PHACTR1: variants seen among roughly 807,000 people sequenced by gnomAD.
PHACTR1 encodes the protein RPEL repeat containing 1.
PHACTR1 carries 16 observed loss-of-function variants against 69.2 expected under a neutral mutation model. The observed-to-expected ratio is 0.23, with a 90% CI of 0.16 to 0.35. PHACTR1 has a LOEUF of 0.35. Ranked by LOEUF, PHACTR1 falls within the 10% of genes least tolerant of loss-of-function variation. PHACTR1 has a pLI of 1.00. For synonymous variants in PHACTR1, 312 were observed against 284.5 expected, an observed-to-expected ratio of 1.10 and a Z score of -0.97; for missense variants, 510 against 734.7, an observed-to-expected ratio of 0.69 and a Z score of 3.54.
At chr6:12,759,006 C>T (rs9395100) in intron 4 of PHACTR1, among the ~76,000 whole-genome samples, 2 of 151,546 alleles carry the variant, frequency 1.3e-5, no homozygotes, top group African/African-American at 4.8e-5. Flanking sequence ...TGCCTGTAAT[C>T]TCAGCTACTG....
intron 5 of PHACTR1, among the ~76,000 whole-genome samples, chr6:13,120,605 G>A (rs1818560322): frequency 6.6e-6 from 1 of 152,128 alleles, no homozygotes; most frequent in Non-Finnish European, 1.5e-5. Flanking sequence ...TAGCCCTTGA[G>A]TGTGGGACCT....
At chr6:12,732,177 T>C (rs1396886956) in intron 3 of PHACTR1, among the ~76,000 whole-genome samples, 2 of 151,964 alleles carry the variant, frequency 1.3e-5, no homozygotes, top group African/African-American at 4.8e-5. Flanking sequence ...CATATAGTAA[T>C]TATAGAAAAA....
intron 11 of PHACTR1, among the ~76,000 whole-genome samples, chr6:13,276,958 A>G (rs1189992643): frequency 6.6e-6 from 1 of 152,182 alleles, no homozygotes; most frequent in Non-Finnish European, 1.5e-5. Context: ...GTCGTGATGC[A>G]CCCTATGCCA....
chr6:13,187,435 CATTTTGGGTCATTGAAGAGTTG>C (rs1399421763), intron 7 of PHACTR1, among the ~76,000 whole-genome samples: 2 of 152,116 alleles, frequency 1.3e-5, no homozygotes, highest in African/African-American at 4.8e-5. Context: ...GAGGTGGCAA[CATTTTGGGTCATTGAAGAGTTG>C]GCTGAGTAGG....
intron 4 of PHACTR1, among the ~76,000 whole-genome samples, chr6:13,037,511 A>T (rs1178583263): frequency 6.6e-6 from 1 of 152,250 alleles, no homozygotes; most frequent in Non-Finnish European, 1.5e-5. Context: ...ACTAGCATGC[A>T]TCAGTGACTG....
At chr6:13,111,124 AT>A (rs1561844641) in intron 5 of PHACTR1, among the ~76,000 whole-genome samples, 2 of 152,148 alleles carry the variant, frequency 1.3e-5, no homozygotes, top group Non-Finnish European at 2.9e-5. Context: ...TGTTATATCC[AT>A]AGGATAAAAT....
At chr6:12,922,301 G>T (rs180762032) in intron 4 of PHACTR1, among the ~76,000 whole-genome samples, 2 of 152,278 alleles carry the variant, frequency 1.3e-5, no homozygotes, top group African/African-American at 2.4e-5. Context: ...GAAGTATTGA[G>T]GGTAATGTTT....
intron 3 of PHACTR1, among the ~76,000 whole-genome samples, chr6:12,730,983 C>CTTTT (rs869159413): frequency 1.4e-3 from 174 of 122,088 alleles, no homozygotes; most frequent in Admixed American, 6.6e-4. Context: ...AGAATATTAC[C>CTTTT]TTTTTTATTT....
At chr6:12,882,272 G>T (rs1385366939) in intron 4 of PHACTR1, among the ~76,000 whole-genome samples, 1 of 152,166 alleles carries the variant, frequency 6.6e-6, no homozygotes, top group Non-Finnish European at 1.5e-5. Context: ...AACTTGGCCT[G>T]AGAAGGGAGA....
chr6:12,723,385 A>G (rs1199251867), intron 3 of PHACTR1, among the ~76,000 whole-genome samples: 1 of 152,074 alleles, frequency 6.6e-6, no homozygotes, highest in African/African-American at 2.4e-5. Flanking sequence ...CAGAATCTGC[A>G]TTTTAACAAA....
At chr6:12,817,578 C>T (rs1344643950) in intron 4 of PHACTR1, among the ~76,000 whole-genome samples, 1 of 152,162 alleles carries the variant, frequency 6.6e-6, no homozygotes, top group East Asian at 1.9e-4. Context: ...GCATCTGAAA[C>T]ACTGAGCACA....
chr6:12,941,448 C>T (rs879676239), intron 4 of PHACTR1, among the ~76,000 whole-genome samples: 7 of 152,028 alleles, frequency 4.6e-5, no homozygotes, highest in African/African-American at 7.3e-5. Context: ...CAGAAAACCA[C>T]AGTAGTACCA....
chr6:13,164,132 G>C (rs1323274432), intron 6 of PHACTR1, among the ~76,000 whole-genome samples: 1 of 150,820 alleles, frequency 6.6e-6, no homozygotes, highest in Non-Finnish European at 1.5e-5. Context: ...TTCTGTATCC[G>C]AATTCGGTTC....
At chr6:13,052,097 T>C (rs1001238567) in intron 4 of PHACTR1, among the ~76,000 whole-genome samples, 3 of 152,210 alleles carry the variant, frequency 2.0e-5, no homozygotes, top group Non-Finnish European at 4.4e-5. Context: ...GTCCTTCTGG[T>C]CACTCAATCA....
At chr6:13,128,072 T>C (rs901869343) in intron 5 of PHACTR1, among the ~76,000 whole-genome samples, 1 of 145,402 alleles carries the variant, frequency 6.9e-6, no homozygotes, top group Non-Finnish European at 1.5e-5. Context: ...GAAAAGTCAC[T>C]TGCTATCATG....
chr6:13,032,878 G>A (rs13215349), intron 4 of PHACTR1, among the ~76,000 whole-genome samples: 25,114 of 152,106 alleles, frequency 0.17, 2,585 homozygotes, highest in South Asian at 0.26. Flanking sequence ...TGGGATTACC[G>A]GTATGAGCTA....
intron 5 of PHACTR1, among the ~76,000 whole-genome samples, chr6:13,091,780 G>A (rs1018666846): frequency 1.3e-5 from 2 of 152,100 alleles, no homozygotes; most frequent in Non-Finnish European, 2.9e-5. Flanking sequence ...TCCCTTGCAT[G>A]CGCAGTTCAC....
chr6:12,863,198 G>A (rs1215012851), intron 4 of PHACTR1, among the ~76,000 whole-genome samples: 5 of 152,252 alleles, frequency 3.3e-5, no homozygotes, highest in Non-Finnish European at 1.5e-5. Flanking sequence ...AAGTACCACA[G>A]ACTGGGTAAC....
At chr6:13,014,363 TC>T (rs1799865362) in intron 4 of PHACTR1, among the ~76,000 whole-genome samples, 2 of 152,094 alleles carry the variant, frequency 1.3e-5, no homozygotes, top group Non-Finnish European at 2.9e-5. Context: ...ACGTATATGG[TC>T]CCCAAAATGA....
Sources: allele counts gnomAD v4.1 joint callset (sites outside exome capture counted in the v4.1 genomes callset), GRCh38; gene constraint gnomAD v4.1.1; transcripts MANE v1.5; gene names NCBI Gene and HGNC (gene_info 2026-07-23, HGNC 2026-07-21).